Variants in VWC2 observed in about 807,000 individuals in gnomAD.
VWC2 encodes the protein brorin.
In VWC2, 14 loss-of-function variants were observed where a neutral mutation model predicts 29.8. The ratio of observed to expected loss-of-function variants is 0.47; its 90% CI spans 0.31 to 0.74. The LOEUF is 0.74. Ranked by LOEUF, VWC2 falls within the 30% of genes least tolerant of loss-of-function variation. VWC2 has a pLI of 0.05. For missense variants in VWC2, 457 were observed against 459.8 expected, an observed-to-expected ratio of 0.99 and a Z score of 0.05; for synonymous variants, 213 against 199.0, an observed-to-expected ratio of 1.07 and a Z score of -0.59.
intron 3 of VWC2, among the ~76,000 whole-genome samples, chr7:49,904,850 C>T (rs1032710715): frequency 6.6e-6 from 1 of 151,674 alleles, no homozygotes; most frequent in Non-Finnish European, 1.5e-5. Context: ...ATTCTCCTGC[C>T]TCAGCCTCCC....
intron 3 of VWC2, among the ~76,000 whole-genome samples, chr7:49,890,551 A>T (rs1355988137): frequency 6.6e-6 from 1 of 152,212 alleles, no homozygotes; most frequent in Admixed American, 6.5e-5. Flanking sequence ...CTCATTTTAT[A>T]GGGATACTTA....
In VWC2 at chr7:49,829,668, C is replaced by T. The variant is rs145028114; in HGVS notation, c.826+26828C>T. Among the ~76,000 whole-genome samples the T allele has an allele frequency of 3.9e-3, 599 of 152,330 alleles. 4 individuals are homozygous for T. The highest frequency in any genetic ancestry group is 0.02 in the Middle Eastern group (6 of 294). The stretch of plus-strand genomic sequence containing the variant: ...TCCCATTGTCTCCTTTCTCCTTAGC[C>T]CTGCCTAAACAGCCTTCTTCCTCTC... On this transcript the variant is annotated intron_variant, in intron 3 of 3. Coordinates refer to ENST00000340652, the MANE Select transcript of VWC2 (RefSeq NM_198570.5).
At chr7:49,873,121 A>G (rs1791245529) in intron 3 of VWC2, among the ~76,000 whole-genome samples, 2 of 152,280 alleles carry the variant, frequency 1.3e-5, no homozygotes, top group South Asian at 4.1e-4. Context: ...GCAAATTCTT[A>G]CCCAGTAATT....
At chr7:49,872,059 AAGT>A (rs1227619163) in intron 3 of VWC2, among the ~76,000 whole-genome samples, 1 of 151,894 alleles carries the variant, frequency 6.6e-6, no homozygotes, top group African/African-American at 2.4e-5. Context: ...AAACAAAACT[AAGT>A]AGATGAATAA....
At chr7:49,882,326 T>C (rs1274684309) in intron 3 of VWC2, among the ~76,000 whole-genome samples, 3 of 152,160 alleles carry the variant, frequency 2.0e-5, no homozygotes, top group Non-Finnish European at 2.9e-5. Context: ...TGTTAGCACA[T>C]GGCAATAAAA....
intron 3 of VWC2, among the ~76,000 whole-genome samples, chr7:49,902,567 A>T (rs1392079666): frequency 6.6e-6 from 1 of 151,694 alleles, no homozygotes; most frequent in African/African-American, 2.4e-5. Context: ...AAAAAAAAAA[A>T]AAGAATCTCA....
chr7:49,869,843 G>T (rs1303396418), intron 3 of VWC2, among the ~76,000 whole-genome samples: 1 of 151,936 alleles, frequency 6.6e-6, no homozygotes, highest in Non-Finnish European at 1.5e-5. Context: ...TCCAAAACGG[G>T]AAGCTTACTA....
At chr7:49,776,512 T>C (rs1045130125) in intron 2 of VWC2, among the ~76,000 whole-genome samples, 1 of 152,216 alleles carries the variant, frequency 6.6e-6, no homozygotes, top group Non-Finnish European at 1.5e-5. Flanking sequence ...ACGGTACCAT[T>C]TGGGATATAT....
At chr7:49,780,244 A>T (rs765427738) in intron 2 of VWC2, among the ~76,000 whole-genome samples, 2 of 152,156 alleles carry the variant, frequency 1.3e-5, no homozygotes, top group Non-Finnish European at 2.9e-5. Flanking sequence ...TTCTGTGTCT[A>T]TTGCATTCTG....
In VWC2 at chr7:49,913,339, G is replaced by A. The variant is rs922106200; in HGVS notation, c.*1154G>A. ...TTCATTTGAACAGAGAACATAAAAA[G>A]CCACTGCAAAGTCCTGCTAATCTAA... On this transcript the variant is annotated 3_prime_UTR_variant, in exon 4 of 4. Transcript: ENST00000340652. 2.6e-5 allele frequency: 4 copies of A among 152,162 alleles called. No homozygotes were observed. Among genetic ancestry groups the A allele is most frequent in the Non-Finnish European group, 5.9e-5 (4 of 68,034 alleles). The allele number at this position is 152,162 out of a possible 1,614,324, so 9.4% of individuals were successfully genotyped here.
intron 3 of VWC2, among the ~76,000 whole-genome samples, chr7:49,890,706 C>T (rs1178531128): frequency 7.1e-6 from 1 of 140,804 alleles, no homozygotes; most frequent in African/African-American, 2.7e-5. Flanking sequence ...ATAGAATGCA[C>T]ACACATTAAA....
intron 3 of VWC2, among the ~76,000 whole-genome samples, chr7:49,877,939 C>T (rs967804773): frequency 2.1e-4 from 32 of 152,018 alleles, no homozygotes; most frequent in African/African-American, 6.8e-4. Flanking sequence ...TAGGTTCTGT[C>T]ATTTTGGGGT....
intron 3 of VWC2, among the ~76,000 whole-genome samples, chr7:49,865,913 T>C (rs1790864853): frequency 6.6e-6 from 1 of 152,226 alleles, no homozygotes; most frequent in South Asian, 2.1e-4. Flanking sequence ...CTTAAGATTC[T>C]TACAAGCCCA....
chr7:49,829,681 C>T (rs1789482371), intron 3 of VWC2, among the ~76,000 whole-genome samples: 1 of 152,234 alleles, frequency 6.6e-6, no homozygotes. Flanking sequence ...GCCTAAACAG[C>T]CTTCTTCCTC....
intron 3 of VWC2, among the ~76,000 whole-genome samples, chr7:49,855,299 A>G (rs1468478168): frequency 1.3e-5 from 2 of 152,200 alleles, no homozygotes; most frequent in Non-Finnish European, 2.9e-5. Context: ...TCTCTTTCTT[A>G]GTGAAGTTTC....
At chr7:49,783,223 C>T (rs1382856936) in intron 2 of VWC2, among the ~76,000 whole-genome samples, 6 of 152,038 alleles carry the variant, frequency 3.9e-5, no homozygotes, top group Non-Finnish European at 5.9e-5. Flanking sequence ...AGGCCCTGGG[C>T]TGCATCCTAG....
At position 49,918,925 on chromosome 7, in the gene VWC2, G is replaced by C. The variant is rs1025053375; in HGVS notation, c.*6740G>C. ...AATACAAAAAAATTACCTGGGCATG[G>C]TGGCACATGCCTGTAATCTACTCGG... On this transcript the variant is annotated 3_prime_UTR_variant, in exon 4 of 4. Coordinates refer to ENST00000340652, the MANE Select transcript of VWC2 (RefSeq NM_198570.5). 1 of 152,080 alleles carries C rather than the reference G, an allele frequency of 6.6e-6. No homozygotes were observed. Among genetic ancestry groups the C allele is most frequent in the Non-Finnish European group, 1.5e-5 (1 of 68,054 alleles). 9.4% of individuals were successfully genotyped at this position (152,080 alleles called of 1,614,324 possible).
chr7:49,849,531 C>T (rs1325378135), intron 3 of VWC2, among the ~76,000 whole-genome samples: 1 of 152,182 alleles, frequency 6.6e-6, no homozygotes, highest in African/African-American at 2.4e-5. Flanking sequence ...CATATGCACC[C>T]CTACTCCATG....
At chr7:49,903,896 G>A (rs951610466) in intron 3 of VWC2, among the ~76,000 whole-genome samples, 2 of 152,100 alleles carry the variant, frequency 1.3e-5, no homozygotes, top group Non-Finnish European at 2.9e-5. Context: ...TGGCAGATGC[G>A]CTGGATTTTA....
Sources: allele counts gnomAD v4.1 joint callset (sites outside exome capture counted in the v4.1 genomes callset), GRCh38; gene constraint gnomAD v4.1.1; transcripts MANE v1.5; gene names NCBI Gene and HGNC (gene_info 2026-07-23, HGNC 2026-07-21).